The following LAMA4 variants were observed in gnomAD, a reference collection of about 807,000 sequenced individuals.
LAMA4 encodes laminin subunit alpha 4, also known as laminin subunit alpha-4.
Under a neutral mutation model 207.1 loss-of-function variants are expected in LAMA4, and 127 were observed. That is an observed-to-expected ratio of 0.61 (90% CI 0.53 to 0.71). The LOEUF is 0.71. Ranked by LOEUF, LAMA4 falls within the 30% of genes least tolerant of loss-of-function variation. The pLI is 0.00. For missense variants in LAMA4, 2,093 were observed against 2,246.5 expected, an observed-to-expected ratio of 0.93 and a Z score of 1.38; for synonymous variants, 761 against 816.0, an observed-to-expected ratio of 0.93 and a Z score of 1.15.
At chr6:112,229,642 T>C (rs1554363862) in intron 2 of LAMA4, among the ~76,000 whole-genome samples, 1 of 152,228 alleles carries the variant, frequency 6.6e-6, no homozygotes. Context: ...GAATAGCTAG[T>C]AGAAGACTGA....
At position 112,142,119 on chromosome 6, in the gene LAMA4, G is replaced by A. The variant is rs112224872; in HGVS notation, c.2667C>T (p.Asn889=). ...DQFILYLGSK[N]AKKEYMGLAI... is the part of the protein sequence containing the mutation. ...CCTCCTTTCAAACTCATGTGCTTACGTTTTTGCTTCCGAGGTACAGGATAA... is the reference window on the plus strand; with the variant it reads ...CCTCCTTTCAAACTCATGTGCTTACATTTTTGCTTCCGAGGTACAGGATAA... The change falls in exon 20 of 39, where the codon AAC becomes AAT. Residue 889 remains asparagine (N), a splice_region_variant and synonymous_variant. Transcript: ENST00000230538. 8.7e-6 allele frequency: 14 copies of A among 1,613,874 alleles called. No homozygotes were observed. Among genetic ancestry groups the A allele is most frequent in the East Asian group, 4.5e-5 (2 of 44,890 alleles).
rs371351262 is a variant in LAMA4 at position 112,189,209 on chromosome 6, T to C, written c.719-4A>G. On this transcript the variant is annotated splice_polypyrimidine_tract_variant and splice_region_variant and intron_variant, in intron 6 of 38. Transcript: ENST00000230538. ...GGGCCTCCCCCGCAGTTGCACACTGTGGGAAACAAAAACAAGAGACGAGAA... is the reference window on the plus strand; with the variant it reads ...GGGCCTCCCCCGCAGTTGCACACTGCGGGAAACAAAAACAAGAGACGAGAA... The C allele has an allele frequency of 1.9e-5, 30 of 1,608,900 alleles. 1 individual carries two copies. Among genetic ancestry groups the C allele is most frequent in the Admixed American group, 3.3e-5 (2 of 59,992 alleles).
At chr6:112,209,347 A>G (rs1784240659) in intron 3 of LAMA4, among the ~76,000 whole-genome samples, 1 of 152,144 alleles carries the variant, frequency 6.6e-6, no homozygotes, top group African/African-American at 2.4e-5. Context: ...GGCTCGATAG[A>G]TGCTTTAGAT....
At chr6:112,133,590 T>A in intron 26 of LAMA4, 103 bp from the exon 27 acceptor site, 11 of 1,302,396 alleles carry the variant, frequency 8.4e-6, no homozygotes, top group South Asian at 2.4e-5. Context: ...TTGTAATGGC[T>A]TTATAATCAT....
intron 26 of LAMA4, among the ~76,000 whole-genome samples, chr6:112,134,190 C>T (rs182419093): frequency 5.9e-5 from 9 of 152,238 alleles, no homozygotes; most frequent in African/African-American, 1.9e-4. Flanking sequence ...CATGTTCCAC[C>T]GTTCCTATTA....
At chr6:112,131,449 G>A (rs1220405661) in intron 28 of LAMA4, among the ~76,000 whole-genome samples, 3 of 152,110 alleles carry the variant, frequency 2.0e-5, no homozygotes, top group Non-Finnish European at 4.4e-5. Flanking sequence ...CCTTGGGGAT[G>A]TAGCTAGATG....
intron 3 of LAMA4, among the ~76,000 whole-genome samples, chr6:112,215,018 A>T (rs1554358180): frequency 2.0e-5 from 3 of 152,246 alleles, no homozygotes; most frequent in Admixed American, 6.5e-5. Context: ...ATATTTTAAT[A>T]AATCAGATAA....
chr6:112,242,370 C>T (rs2114384928), intron 2 of LAMA4, among the ~76,000 whole-genome samples: 1 of 152,270 alleles, frequency 6.6e-6, no homozygotes, highest in East Asian at 1.9e-4. Flanking sequence ...CCTTACTAGA[C>T]TTAGCCATAA....
intron 17 of LAMA4, 31 bp from the exon 18 acceptor site, chr6:112,148,367 G>T (rs782221041): frequency 6.2e-7 from 1 of 1,612,056 alleles, no homozygotes; most frequent in South Asian, 1.1e-5. Flanking sequence ...CATTCACTTT[G>T]CAGAGAAGCC....
rs113947176 is a variant in LAMA4 at position 112,201,559 on chromosome 6, G to T, written c.503+49C>A. ...GCAGAGCTGTTGAGTGTGAGAAACA[G>T]AAAGCTTCCTTTGACCCACACAGAA... On this transcript the variant is annotated intron_variant, in intron 5 of 38. Coordinates refer to ENST00000230538, the MANE Select transcript of LAMA4 (RefSeq NM_001105206.3). The T allele has an allele frequency of 6.9e-4, 1,014 of 1,461,158 alleles. 9 individuals carry two copies. In the African/African-American group the frequency reaches 0.012, roughly 18 times the overall value. The allele number at this position is 1,461,158 out of a possible 1,614,324, so 90.5% of individuals were successfully genotyped here.
At position 112,182,907 on chromosome 6, in the gene LAMA4, C is replaced by T. The variant is rs114941540; in HGVS notation, c.1077+2330G>A. 4.4e-3 allele frequency among the ~76,000 whole-genome samples: 664 copies of T among 152,234 alleles called. 4 individuals carry two copies. The highest frequency in any genetic ancestry group is 0.015 in the African/African-American group (628 of 41,532). ...AGCACCAAAGGGAGCATCTTTTGAG[C>T]ACTGGGTATTTATGAACACAGATGG... On this transcript the variant is annotated intron_variant, in intron 9 of 38. Coordinates refer to ENST00000230538, the MANE Select transcript of LAMA4 (RefSeq NM_001105206.3).
At chr6:112,194,385 A>G (rs1783292112) in intron 5 of LAMA4, among the ~76,000 whole-genome samples, 1 of 152,222 alleles carries the variant, frequency 6.6e-6, no homozygotes, top group Admixed American at 6.5e-5. Flanking sequence ...TTACAAGAGA[A>G]AACTCAAATT....
At chr6:112,152,107 T>C (rs2114762213) in intron 16 of LAMA4, among the ~76,000 whole-genome samples, 1 of 152,272 alleles carries the variant, frequency 6.6e-6, no homozygotes, top group Non-Finnish European at 1.5e-5. Context: ...GGCTTATAAT[T>C]TTCCTTTTTA....
Position 112,141,343 on chromosome 6 carries a change from A to C in LAMA4, c.2813+15T>G, listed in dbSNP as rs781849323. 41 of 1,613,708 alleles carry C rather than the reference A, an allele frequency of 2.5e-5. No homozygotes were observed. The East Asian group carries it at 9.1e-4, about 36-fold the overall frequency. Reference sequence around the variant, plus strand: ...GATATGTGCATATATGCCCTGTGTCATGGATTCACTGTACCTTTCAATCTT... The same window carrying C: ...GATATGTGCATATATGCCCTGTGTCCTGGATTCACTGTACCTTTCAATCTT... On this transcript the variant is annotated intron_variant, in intron 21 of 38. Coordinates refer to ENST00000230538, the MANE Select transcript of LAMA4 (RefSeq NM_001105206.3).
At chr6:112,238,242 T>C (rs1426792385) in intron 2 of LAMA4, among the ~76,000 whole-genome samples, 1 of 152,192 alleles carries the variant, frequency 6.6e-6, no homozygotes, top group Non-Finnish European at 1.5e-5. Flanking sequence ...TTGTTTCGTC[T>C]GTGTTTTACT....
intron 12 of LAMA4, chr6:112,166,421 C>T (rs1445950979): frequency 6.6e-6 from 1 of 152,178 alleles, no homozygotes; most frequent in Non-Finnish European, 1.5e-5. Context: ...GGGAGTTATA[C>T]AGCAAAAGCA....
At chr6:112,169,811 A>T (rs1370484522) in intron 12 of LAMA4, among the ~76,000 whole-genome samples, 7 of 152,268 alleles carry the variant, frequency 4.6e-5, no homozygotes, top group African/African-American at 1.7e-4. Flanking sequence ...AAGTTTATTT[A>T]AAAGCTATTC....
At chr6:112,131,144 C>T in intron 28 of LAMA4, 43 bp from the exon 29 acceptor site, 1 of 1,598,676 alleles carries the variant, frequency 6.3e-7, no homozygotes. Flanking sequence ...GTCTAGGGAT[C>T]CAAAAGACGG....
At chr6:112,245,794 A>G (rs1160003462) in intron 2 of LAMA4, among the ~76,000 whole-genome samples, 2 of 152,174 alleles carry the variant, frequency 1.3e-5, no homozygotes, top group Non-Finnish European at 2.9e-5. Flanking sequence ...CTCCACCAAA[A>G]CACAACATAA....
Sources: gnomAD v4.1 joint callset for allele counts (sites outside exome capture counted in the v4.1 genomes callset) on GRCh38, gnomAD v4.1.1 for gene constraint, MANE v1.5 for transcripts, NCBI Gene and HGNC (gene_info 2026-07-23, HGNC 2026-07-21) for gene names.